Variants in GUCY2C observed in about 807,000 individuals in gnomAD.
GUCY2C encodes the protein guanylyl cyclase C.
A neutral mutation model predicts 131.1 loss-of-function variants in GUCY2C; 118 were observed. That is an observed-to-expected ratio of 0.90 (90% CI 0.78 to 1.05). The LOEUF is 1.05. Among genes scored for constraint, GUCY2C ranks in the 50% least tolerant of loss-of-function variants. The pLI, the probability that GUCY2C is intolerant of heterozygous loss-of-function variation, is 0.00. For synonymous variants in GUCY2C, 452 were observed against 457.8 expected (o/e 0.99, Z 0.16); for missense variants, 1,161 against 1,304.4 (o/e 0.89, Z 1.69).
Position 14,669,759 on chromosome 12 carries a change from C to T in GUCY2C, c.1245G>A (p.Trp415Ter), listed in dbSNP as rs778322069. ...TATCATTAGGAAGTTTAGAGTTCTT[C>T]CAAGTGAATGTGGGGCTCATATCCA... ...YPVDMSPTFT[W>*]KNSKLPNDIT... Residue 415 changes from tryptophan to a stop codon, truncating the protein, a stop_gained, in exon 10 of 27, where the codon TGG (tryptophan) becomes TGA (stop). Coordinates refer to ENST00000261170, the MANE Select transcript of GUCY2C (RefSeq NM_004963.4). LOFTEE classifies it high-confidence loss of function. The T allele has an allele frequency of 6.2e-7, 1 of 1,603,746 alleles. No homozygotes were observed. Among genetic ancestry groups the T allele is most frequent in the South Asian group, 1.1e-5 (1 of 90,328 alleles).
At position 14,613,549 on chromosome 12, in the gene GUCY2C, C is replaced by T. The variant is rs549858346; in HGVS notation, c.3048-258G>A. Among the ~76,000 whole-genome samples, 5 of 152,198 alleles carry T rather than the reference C, an allele frequency of 3.3e-5. No individual in the cohort carries two copies. The East Asian group carries it at 9.7e-4, about 29-fold the overall frequency. ...AATTTGGAGGCATGGTTGGGAGGATCTAGGTTTACATATGCCACTGCAGGA... is the reference window on the plus strand; with the variant it reads ...AATTTGGAGGCATGGTTGGGAGGATTTAGGTTTACATATGCCACTGCAGGA... On this transcript the variant is annotated intron_variant, in intron 26 of 26. Coordinates refer to ENST00000261170, the MANE Select transcript of GUCY2C (RefSeq NM_004963.4). The surrounding 1 kb of genome is among the most constrained non-coding windows in gnomAD (Gnocchi z 4.9).
intron 16 of GUCY2C, among the ~76,000 whole-genome samples, chr12:14,644,538 C>T (rs1210511782): frequency 6.6e-6 from 1 of 152,094 alleles, no homozygotes; most frequent in East Asian, 1.9e-4. Context: ...ACCCATATAA[C>T]TTTCAGGTGA....
In GUCY2C at chr12:14,622,286, A is replaced by G. The variant is rs558677885; in HGVS notation, c.2409-89T>C. ...ATCTTTCAGGTAGTAGTGATTGTCT[A>G]CCAAGAATTCTAGAATTTGAGACTT... On this transcript the variant is annotated intron_variant, in intron 21 of 26. Coordinates refer to ENST00000261170, the MANE Select transcript of GUCY2C (RefSeq NM_004963.4). 11 of 763,552 alleles carry G rather than the reference A, an allele frequency of 1.4e-5. No homozygotes were observed. The African/African-American group carries it at 1.8e-4, about 12-fold the overall frequency. The allele number at this position is 763,552 out of a possible 1,614,324, so 47.3% of individuals were successfully genotyped here. A position where few individuals can be genotyped will look rare whatever the true frequency, so the allele number is the denominator to read the frequency against.
intron 10 of GUCY2C, among the ~76,000 whole-genome samples, chr12:14,663,608 T>C (rs1462332812): frequency 6.6e-6 from 1 of 152,212 alleles, no homozygotes; most frequent in East Asian, 1.9e-4. Flanking sequence ...TGTGCTAAAA[T>C]ATAATTGATG....
At chr12:14,689,842 C>T (rs1948544108) in intron 1 of GUCY2C, among the ~76,000 whole-genome samples, 1 of 152,184 alleles carries the variant, frequency 6.6e-6, no homozygotes, top group Non-Finnish European at 1.5e-5. Flanking sequence ...ATTCAAGATA[C>T]TGAGTAAATA....
Position 14,674,640 on chromosome 12 carries a change from T to C in GUCY2C, c.1069A>G (p.Asn357Asp). The change falls in exon 8 of 27, where the codon AAT (asparagine) becomes GAT (aspartate). Residue 357 changes from asparagine (N) to aspartate (D), a missense_variant. Coordinates refer to ENST00000261170, the MANE Select transcript of GUCY2C (RefSeq NM_004963.4). ...AGACCAGTACCTTCAAAAGTGAGAT[T>C]CCTGAAAGCATGAGCAAATTTGGGG... The part of the protein sequence containing the change: ...TTPKFAHAFR[N>D]LTFEGYDGPV... The C allele has an allele frequency of 6.2e-7, 1 of 1,613,778 alleles. No homozygotes were observed. The highest frequency in any genetic ancestry group is 8.5e-7 in the Non-Finnish European group (1 of 1,179,780).
At chr12:14,663,517 A>T (rs1431645275) in intron 10 of GUCY2C, among the ~76,000 whole-genome samples, 1 of 152,220 alleles carries the variant, frequency 6.6e-6, no homozygotes, top group African/African-American at 2.4e-5. Flanking sequence ...TCCTGACCTC[A>T]GGTGATCAGC....
At chr12:14,631,421 C>T (rs2137001040) in intron 19 of GUCY2C, among the ~76,000 whole-genome samples, 1 of 149,636 alleles carries the variant, frequency 6.7e-6, no homozygotes, top group African/African-American at 2.5e-5. Context: ...GTGATGTTCC[C>T]CTTCCTGTGT....
At chr12:14,619,854 C>G (rs1435547959) in intron 23 of GUCY2C, 4 of 152,634 alleles carry the variant, frequency 2.6e-5, no homozygotes. Context: ...AAGCCTGTGG[C>G]ACAAGGAGGT....
intron 25 of GUCY2C, 25 bp downstream of exon 25, chr12:14,616,608 T>C (rs1946767759): frequency 7.8e-7 from 1 of 1,274,096 alleles, no homozygotes; most frequent in Non-Finnish European, 1.2e-6. Flanking sequence ...GCTTTTCCTA[T>C]GCATTGTCTC....
At chr12:14,656,383 T>C (rs1022395519) in intron 12 of GUCY2C, 129 bp downstream of exon 12, 2 of 616,144 alleles carry the variant, frequency 3.2e-6, no homozygotes, top group Admixed American at 2.4e-5. Flanking sequence ...AGCTGAAAAT[T>C]AGAAAGCATC....
chr12:14,684,760 C>T (rs753487801), intron 3 of GUCY2C, among the ~76,000 whole-genome samples: 3 of 151,724 alleles, frequency 2.0e-5, no homozygotes, highest in Non-Finnish European at 4.4e-5. Context: ...GCCTTGACCT[C>T]CTCGGTTCAA....
intron 10 of GUCY2C, among the ~76,000 whole-genome samples, chr12:14,668,529 T>C (rs1788733849): frequency 1.3e-5 from 2 of 151,178 alleles, no homozygotes; most frequent in Non-Finnish European, 3.0e-5. Context: ...ATCTTGAACT[T>C]CTGGCCTCAA....
At position 14,696,559 on chromosome 12, in the gene GUCY2C, C is replaced by T. The variant is rs1592156337; in HGVS notation, c.-111G>A. On this transcript the variant is annotated 5_prime_UTR_variant, in exon 1 of 27. An upstream open reading frame in the 5' UTR gains an earlier in-frame stop. Coordinates refer to ENST00000261170, the MANE Select transcript of GUCY2C (RefSeq NM_004963.4). ...CAGCCTCTAGTGGAGTCCCTCAGCC[C>T]ACTCTTCCCCACGCTTCTCTCTGGT... The T allele has an allele frequency of 1.4e-6, 1 of 728,970 alleles. No individual in the cohort carries two copies. The allele number at this position is 728,970 out of a possible 1,614,324, so 45.2% of individuals were successfully genotyped here.
intron 5 of GUCY2C, among the ~76,000 whole-genome samples, chr12:14,680,918 G>A (rs1007624544): frequency 1.3e-5 from 2 of 152,080 alleles, no homozygotes; most frequent in African/African-American, 2.4e-5. Context: ...CTTTGCTTAC[G>A]TTGTAATTTT....
rs752551331 is a variant in GUCY2C at position 14,676,880 on chromosome 12, T to A, written c.922A>T (p.Ser308Cys). Reference sequence around the variant, plus strand: ...GGTGATAGATTCCTGGAGAAAGAGCTATTTAGAAGGGAATTCCCAGGAGAC... The same window carrying A: ...GGTGATAGATTCCTGGAGAAAGAGCAATTTAGAAGGGAATTCCCAGGAGAC... Reference protein sequence around the residue: ...TLSPGNSLLNSSFSRNLSPTK... With the variant: ...TLSPGNSLLNCSFSRNLSPTK... The change falls in exon 7 of 27, where the codon AGC becomes TGC. Residue 308 changes from serine to cysteine, a missense_variant. Physicochemically the swap from Ser to Cys is moderately radical, Grantham distance 112. Coordinates refer to ENST00000261170, the MANE Select transcript of GUCY2C (RefSeq NM_004963.4). 1.5e-5 allele frequency: 22 copies of A among 1,482,110 alleles called. 1 individual carries two copies. In the South Asian group the frequency reaches 2.5e-4, roughly 17 times the overall value. The allele number at this position is 1,482,110 out of a possible 1,614,324, so 91.8% of individuals were successfully genotyped here.
Position 14,649,117 on chromosome 12 carries a change from T to A in GUCY2C, c.1710+2290A>T, listed in dbSNP as rs1947586529. Among the ~76,000 whole-genome samples, 7 of 152,304 alleles carry A rather than the reference T, an allele frequency of 4.6e-5. No individual in the cohort carries two copies. In the South Asian group the frequency reaches 1.4e-3, roughly 32 times the overall value. On this transcript the variant is annotated intron_variant, in intron 15 of 26. Coordinates refer to ENST00000261170, the MANE Select transcript of GUCY2C (RefSeq NM_004963.4). ...TCATGTGGGTCTTACTCTAATGTCA[T>A]CTTGCCAGAGAAGTCTTCCATGGCT...
At chr12:14,630,788 T>C (rs992690487) in intron 19 of GUCY2C, among the ~76,000 whole-genome samples, 1 of 152,190 alleles carries the variant, frequency 6.6e-6, no homozygotes, top group Non-Finnish European at 1.5e-5. Flanking sequence ...TCTGTTGGAA[T>C]CAGTTACTTG....
rs757231494 is a variant in GUCY2C at position 14,686,152 on chromosome 12, A to G, written c.395+9T>C. The G allele has an allele frequency of 4.5e-6, 7 of 1,538,672 alleles. No individual in the cohort carries two copies. The Admixed American group carries it at 1.2e-4, about 26-fold the overall frequency. Reference sequence around the variant, plus strand: ...TGTCCTGACTTCAGTTCACAGTAGTATTACTTACTACATCTGGAAGGTGGA... The same window carrying G: ...TGTCCTGACTTCAGTTCACAGTAGTGTTACTTACTACATCTGGAAGGTGGA... On this transcript the variant is annotated intron_variant, in intron 3 of 26. Transcript: ENST00000261170.
Sources: gnomAD v4.1 joint callset for allele counts (sites outside exome capture counted in the v4.1 genomes callset) on GRCh38, gnomAD v4.1.1 for gene constraint, Gnocchi (gnomAD v3.1) non-coding constraint, MANE v1.5 for transcripts, NCBI Gene and HGNC (gene_info 2026-07-23, HGNC 2026-07-21) for gene names.